The following PTPRD variants were observed in gnomAD, a reference collection of about 807,000 sequenced individuals.
The protein encoded by PTPRD is protein tyrosine phosphatase receptor type D, also known as receptor-type tyrosine-protein phosphatase delta.
In PTPRD, 34 loss-of-function variants were observed where a neutral mutation model predicts 214.5. The ratio of observed to expected loss-of-function variants is 0.16; its 90% CI spans 0.12 to 0.21. The LOEUF (loss-of-function observed/expected upper bound fraction) is 0.21, where lower values mean the gene tolerates loss of function less well. Among genes scored for constraint, PTPRD ranks in the 10% least tolerant of loss-of-function variants. The probability of loss-of-function intolerance (pLI) is 1.00; values close to 1 mark genes in which losing one functional copy is unlikely to be tolerated. For missense variants in PTPRD, 2,545 were observed against 2,398.7 expected (o/e 1.06, Z -1.27); for synonymous variants, 1,128 against 845.7 (o/e 1.33, Z -5.79).
chr9:9,370,069 G>C (rs914230138), intron 9 of PTPRD, among the ~76,000 whole-genome samples: 3 of 152,156 alleles, frequency 2.0e-5, no homozygotes, highest in African/African-American at 7.2e-5. Context: ...TGTTCTTTTG[G>C]CTTAGGATTG....
chr9:9,599,457 G>T (rs890355908), intron 7 of PTPRD, among the ~76,000 whole-genome samples: 1 of 152,014 alleles, frequency 6.6e-6, no homozygotes, highest in Non-Finnish European at 1.5e-5. Flanking sequence ...ACAGTGTTGG[G>T]CTTCCTGGGC....
chr9:9,163,630 A>G (rs1337165943), intron 10 of PTPRD, among the ~76,000 whole-genome samples: 1 of 152,072 alleles, frequency 6.6e-6, no homozygotes, highest in Non-Finnish European at 1.5e-5. Flanking sequence ...CTATGAGAAT[A>G]CAGTTATGAT....
intron 2 of PTPRD, among the ~76,000 whole-genome samples, chr9:10,517,523 G>A (rs2050541746): frequency 6.6e-6 from 1 of 151,856 alleles, no homozygotes; most frequent in African/African-American, 2.4e-5. Context: ...TTCCTTCATA[G>A]ATTATTACTA....
chr9:10,046,903 T>C (rs894850394), intron 3 of PTPRD, among the ~76,000 whole-genome samples: 2 of 152,040 alleles, frequency 1.3e-5, no homozygotes, highest in Admixed American at 1.3e-4. Flanking sequence ...AAATGTGTTT[T>C]GCACACTCAG....
chr9:9,449,233 A>G (rs2091417443), intron 8 of PTPRD, among the ~76,000 whole-genome samples: 2 of 152,064 alleles, frequency 1.3e-5, no homozygotes, highest in Admixed American at 1.3e-4. Flanking sequence ...CCATTTTGGA[A>G]TTATAGATAT....
At chr9:9,202,075 G>C (rs75480386) in intron 9 of PTPRD, among the ~76,000 whole-genome samples, 235 of 152,338 alleles carry the variant, frequency 1.5e-3, no homozygotes, top group African/African-American at 5.3e-3. Flanking sequence ...TGATGGAAAA[G>C]ATGCCATTTG....
chr9:8,826,368 C>A (rs1004824627), intron 11 of PTPRD, among the ~76,000 whole-genome samples: 1 of 152,110 alleles, frequency 6.6e-6, no homozygotes, highest in Non-Finnish European at 1.5e-5. Context: ...CCTATTGTGC[C>A]TTAAATGAAA....
At chr9:10,080,353 T>G (rs2098215768) in intron 3 of PTPRD, among the ~76,000 whole-genome samples, 1 of 152,136 alleles carries the variant, frequency 6.6e-6, no homozygotes, top group South Asian at 2.1e-4. Flanking sequence ...AGACTAAATG[T>G]GAAATGTTAA....
intron 11 of PTPRD, among the ~76,000 whole-genome samples, chr9:8,801,352 A>T (rs1325558185): frequency 6.6e-6 from 1 of 152,208 alleles, no homozygotes; most frequent in Non-Finnish European, 1.5e-5. Context: ...TGTTTCACTG[A>T]TGTTTAGGTA....
In PTPRD at chr9:10,458,541, T is replaced by C. The variant is rs146700751; in HGVS notation, c.-599-117524A>G. Among the ~76,000 whole-genome samples the C allele has an allele frequency of 1.7e-4, 26 of 152,268 alleles. No homozygotes were observed. In the East Asian group the frequency reaches 4.2e-3, roughly 25 times the overall value. ...CAGTTTAGACATAGACGAAAAGTTC[T>C]TCACCGTAGTAAAGGACATTTGTTT... On this transcript the variant is annotated intron_variant, in intron 2 of 45. Transcript: ENST00000381196.
At chr9:8,359,926 T>A (rs965700031) in intron 39 of PTPRD, among the ~76,000 whole-genome samples, 1 of 152,208 alleles carries the variant, frequency 6.6e-6, no homozygotes, top group Middle Eastern at 3.2e-3. Context: ...TAACTCAAGC[T>A]TTCCTTTTCC....
rs750609422 is a variant in PTPRD at position 8,340,425 on chromosome 9, G to T, written c.5171C>A (p.Thr1724Asn). 1.2e-6 allele frequency: 2 copies of T among 1,608,796 alleles called. No individual in the cohort carries two copies. The highest frequency in any genetic ancestry group is 8.5e-7 in the Non-Finnish European group (1 of 1,176,282). The change falls in exon 42 of 46, where the codon ACC (threonine) becomes AAC (asparagine). Residue 1724 changes from threonine (T) to asparagine (N), a missense_variant. Coordinates refer to ENST00000381196, the MANE Select transcript of PTPRD (RefSeq NM_002839.4). ...GAGCATCCGCCAGAAGTCTTCAGTG[G>T]TCTCTGCCAAGGGCCCCTGGGTAGC... ...YIATQGPLAETTEDFWRMLWE... is the reference protein window; with the variant it reads ...YIATQGPLAENTEDFWRMLWE...
intron 4 of PTPRD, among the ~76,000 whole-genome samples, chr9:9,973,238 G>A (rs974703090): frequency 2.0e-5 from 3 of 151,148 alleles, no homozygotes; most frequent in Non-Finnish European, 4.4e-5. Flanking sequence ...CAAAGCGGGA[G>A]GATTGCTTGA....
Position 8,483,861 on chromosome 9 carries a change from G to GT in PTPRD, c.3413+257dup, listed in dbSNP as rs2096942485. ...TTGTAGTAAGAACCATGTTCTATAT[G>GT]TTTTTCTGTTTCTCCTAAATAACAC... On this transcript the variant is annotated intron_variant, in intron 30 of 45. Coordinates refer to ENST00000381196, the MANE Select transcript of PTPRD (RefSeq NM_002839.4). 2.0e-5 allele frequency among the ~76,000 whole-genome samples: 3 copies of GT among 152,302 alleles called. No individual in the cohort carries two copies. The East Asian group carries it at 5.8e-4, about 29-fold the overall frequency.
chr9:9,052,705 T>C (rs1017268967), intron 10 of PTPRD, among the ~76,000 whole-genome samples: 1 of 152,202 alleles, frequency 6.6e-6, no homozygotes, highest in African/African-American at 2.4e-5. Context: ...ATTCACTGGA[T>C]TATACTGTCC....
intron 8 of PTPRD, among the ~76,000 whole-genome samples, chr9:9,453,020 A>T (rs552332870): frequency 2.9e-4 from 42 of 144,978 alleles, no homozygotes; most frequent in African/African-American, 9.1e-4. Flanking sequence ...AGCCTATTTT[A>T]TTTTTTTTTT....
rs568859547 is a variant in PTPRD at position 8,637,622 on chromosome 9, T to A, written c.65-778A>T. ...CCTCCTTCTTTAAAAAACTTACTTA[T>A]TTTTCATCTTGTATTTCAAGATCTA... On this transcript the variant is annotated intron_variant, in intron 12 of 45. Coordinates refer to ENST00000381196, the MANE Select transcript of PTPRD (RefSeq NM_002839.4). 1.2e-3 allele frequency among the ~76,000 whole-genome samples: 183 copies of A among 152,356 alleles called. 2 individuals are homozygous for A. The highest frequency in any genetic ancestry group is 4.3e-3 in the African/African-American group (177 of 41,590).
chr9:8,756,734 G>A (rs73421232), intron 11 of PTPRD, among the ~76,000 whole-genome samples: 7,694 of 151,970 alleles, frequency 0.051, 488 homozygotes, highest in African/African-American at 0.15. Context: ...TCAGAAGCAT[G>A]TATTTTCTTT....
intron 11 of PTPRD, among the ~76,000 whole-genome samples, chr9:8,957,634 G>C (rs568159182): frequency 1.1e-4 from 16 of 151,934 alleles, no homozygotes; most frequent in African/African-American, 3.6e-4. Flanking sequence ...TCATGCTATT[G>C]TAAGCTCTTC....
Sources: gnomAD v4.1 joint callset for allele counts (sites outside exome capture counted in the v4.1 genomes callset) on GRCh38, gnomAD v4.1.1 for gene constraint, MANE v1.5 for transcripts, NCBI Gene and HGNC (gene_info 2026-07-23, HGNC 2026-07-21) for gene names.